Variants in AVPR1B observed in about 807,000 individuals in gnomAD.
The protein encoded by AVPR1B is arginine vasopressin receptor 1B, also known as vasopressin V1b receptor.
Under a neutral mutation model 27.5 loss-of-function variants are expected in AVPR1B, and 25 were observed. That is an observed-to-expected ratio of 0.91 (90% confidence interval 0.66 to 1.27). AVPR1B has a LOEUF of 1.27. Among genes scored for constraint, AVPR1B ranks in the 50% most tolerant of loss-of-function variants. The probability of loss-of-function intolerance (pLI) is 0.00; values close to 1 mark genes in which losing one functional copy is unlikely to be tolerated. For synonymous variants in AVPR1B, 248 were observed against 240.2 expected, an observed-to-expected ratio of 1.03 and a Z score of -0.30; for missense variants, 595 against 556.9, an observed-to-expected ratio of 1.07 and a Z score of -0.69.
chr1:206,108,246 C>G lies in AVPR1B; in HGVS notation c.*1943G>C, dbSNP rs1163219328. Among the ~76,000 whole-genome samples, 6 of 152,186 alleles carry G rather than the reference C, an allele frequency of 3.9e-5. No individual in the cohort carries two copies. Among genetic ancestry groups the G allele is most frequent in the Admixed American group, 3.9e-4 (6 of 15,282 alleles). ...TAGACAGGGAAGAAGTATTAGATGT[C>G]AGGGGCTGACATGGGCAACAGAACT... On this transcript the variant is annotated 3_prime_UTR_variant, in exon 2 of 2. Coordinates refer to ENST00000367126, the MANE Select transcript of AVPR1B (RefSeq NM_000707.5).
intron 1 of AVPR1B, 58 bp downstream of exon 1, chr1:206,115,893 C>T: frequency 6.6e-7 from 1 of 1,515,774 alleles, no homozygotes; most frequent in Non-Finnish European, 8.9e-7. Flanking sequence ...CTGACCTAAT[C>T]CCCCATCCTC....
chr1:206,108,838 C>G lies in AVPR1B; in HGVS notation c.*1351G>C, dbSNP rs1663322463. Among the ~76,000 whole-genome samples, 1 of 152,222 alleles carries G rather than the reference C, an allele frequency of 6.6e-6. No individual in the cohort carries two copies. Among genetic ancestry groups the G allele is most frequent in the South Asian group, 2.1e-4 (1 of 4,836 alleles). On this transcript the variant is annotated 3_prime_UTR_variant, in exon 2 of 2. Coordinates refer to ENST00000367126, the MANE Select transcript of AVPR1B (RefSeq NM_000707.5). ...AATGAGCATGTGCCATGCTCTTCCTCTACCTCGGTCTACCTTGGCCTGCAG... is the reference window on the plus strand; with the variant it reads ...AATGAGCATGTGCCATGCTCTTCCTGTACCTCGGTCTACCTTGGCCTGCAG...
In AVPR1B at chr1:206,108,613, A is replaced by T. The variant is rs1414881205; in HGVS notation, c.*1576T>A. Among the ~76,000 whole-genome samples the T allele has an allele frequency of 2.6e-5, 4 of 152,202 alleles. No homozygotes were observed. The highest frequency in any genetic ancestry group is 5.9e-5 in the Non-Finnish European group (4 of 68,032). ...GACTTTACAAATGACTTTTATATCCACAGTCCTATTTGATTCTCAGAACCA... is the reference window on the plus strand; with the variant it reads ...GACTTTACAAATGACTTTTATATCCTCAGTCCTATTTGATTCTCAGAACCA... On this transcript the variant is annotated 3_prime_UTR_variant, in exon 2 of 2. Transcript: ENST00000367126.
intron 1 of AVPR1B, among the ~76,000 whole-genome samples, chr1:206,112,608 G>A (rs1169158733): frequency 2.6e-5 from 4 of 152,040 alleles, no homozygotes; most frequent in East Asian, 1.9e-4. Flanking sequence ...CAGCATCCTC[G>A]GTAGATGGGA....
At position 206,108,033 on chromosome 1, in the gene AVPR1B, G is replaced by A. The variant is rs1663307199; in HGVS notation, c.*2156C>T. On this transcript the variant is annotated 3_prime_UTR_variant, in exon 2 of 2. Transcript: ENST00000367126. ...ACCCAGGTCTTTGGGGCACACAGCT[G>A]GTGTTCCTTCTACCTCCCAGTCATC... Among the ~76,000 whole-genome samples, 1 of 152,154 alleles carries A rather than the reference G, an allele frequency of 6.6e-6. No homozygotes were observed.
At position 206,110,132 on chromosome 1, in the gene AVPR1B, G is replaced by C. The variant is rs1256440390; in HGVS notation, c.*57C>G. 5 of 1,519,194 alleles carry C rather than the reference G, an allele frequency of 3.3e-6. No individual in the cohort carries two copies. Among genetic ancestry groups the C allele is most frequent in the Non-Finnish European group, 4.4e-6 (5 of 1,125,528 alleles). 94.1% of individuals were successfully genotyped at this position (1,519,194 alleles called of 1,614,324 possible). A position where few individuals can be genotyped will look rare whatever the true frequency, so the allele number is the denominator to read the frequency against. The stretch of plus-strand genomic sequence containing the variant: ...CCAGCTCTCATTTCCAGTGCCCGAG[G>C]TGGGCAGAGAACCTCCACTAGTCCT... On this transcript the variant is annotated 3_prime_UTR_variant, in exon 2 of 2. Transcript: ENST00000367126.
Position 206,110,438 on chromosome 1 carries a change from G to A in AVPR1B, c.1026C>T (p.Asn342=), listed in dbSNP as rs782296151. ...CCNPWIYMGF[N]SHLLPRPLRH... is the part of the protein sequence containing the mutation. ...GCAGGGGCCGCGGTAACAGGTGGCT[G>A]TTGAAGCCCATGTAGATCCAGGGGT... Residue 342 remains asparagine (N), a synonymous_variant, in exon 2 of 2, where the codon AAC becomes AAT. Transcript: ENST00000367126. 6 of 1,614,030 alleles carry A rather than the reference G, an allele frequency of 3.7e-6. No homozygotes were observed. Among genetic ancestry groups the A allele is most frequent in the South Asian group, 1.1e-5 (1 of 91,072 alleles).
In AVPR1B at chr1:206,117,064, G is replaced by A; in HGVS notation, c.-174C>T. Reference sequence around the variant, plus strand: ...GTTCAGAGGACTGGGATAGAGAGGAGGAGGGAGGATGAGATTCGGAAGGAG... The same window carrying A: ...GTTCAGAGGACTGGGATAGAGAGGAAGAGGGAGGATGAGATTCGGAAGGAG... On this transcript the variant is annotated 5_prime_UTR_variant, in exon 1 of 2. Coordinates refer to ENST00000367126, the MANE Select transcript of AVPR1B (RefSeq NM_000707.5). The A allele has an allele frequency of 1.4e-6, 1 of 691,690 alleles. No homozygotes were observed. The highest frequency in any genetic ancestry group is 2.6e-5 in the East Asian group (1 of 39,080). The allele number at this position is 691,690 out of a possible 1,614,324, so 42.8% of individuals were successfully genotyped here.
intron 1 of AVPR1B, among the ~76,000 whole-genome samples, chr1:206,111,890 G>C (rs1237834683): frequency 6.6e-6 from 1 of 152,152 alleles, no homozygotes; most frequent in Non-Finnish European, 1.5e-5. Flanking sequence ...AAGTAGAAGA[G>C]GGATGATATG....
chr1:206,116,504 C>T lies in AVPR1B; in HGVS notation c.387G>A (p.Thr129=), dbSNP rs113061513. The part of the protein sequence containing the change: ...FASTYMLLAM[T]LDRYLAVCHP... ...GACAGACAGCCAGGTAGCGGTCCAG[C>T]GTCATGGCCAGCAGCATGTAGGTGG... Residue 129 remains threonine (T), a synonymous_variant, in exon 1 of 2, where the codon ACG becomes ACA. Transcript: ENST00000367126. 5 of 1,613,858 alleles carry T rather than the reference C, an allele frequency of 3.1e-6. No homozygotes were observed. The highest frequency in any genetic ancestry group is 3.3e-5 in the Admixed American group (2 of 60,002).
At chr1:206,115,843 C>T (rs1571884386) in intron 1 of AVPR1B, 108 bp downstream of exon 1, 2 of 1,111,756 alleles carry the variant, frequency 1.8e-6, no homozygotes, top group African/African-American at 1.6e-5. Flanking sequence ...CATTGCCCCA[C>T]TAGTTTGTCA....
chr1:206,116,442 G>A lies in AVPR1B; in HGVS notation c.449C>T (p.Thr150Ile). Residue 150 changes from threonine (T) to isoleucine (I), a missense_variant, in exon 1 of 2, where the codon ACC (threonine) becomes ATC (isoleucine). Physicochemically the swap from Thr to Ile is moderately conservative, Grantham distance 89. Transcript: ENST00000367126. Reference sequence around the variant, plus strand: ...CCAGGGAGCAGCGATGAGCAGGTAGGTGGACTGGCCTGGCTGCTGGAGGCT... The same window carrying A: ...CCAGGGAGCAGCGATGAGCAGGTAGATGGACTGGCCTGGCTGCTGGAGGCT... ...LRSLQQPGQS[T>I]YLLIAAPWLL... 6.2e-7 allele frequency: 1 copy of A among 1,614,010 alleles called. No homozygotes were observed. Among genetic ancestry groups the A allele is most frequent in the Non-Finnish European group, 8.5e-7 (1 of 1,180,038 alleles).
rs1175661420 is a variant in AVPR1B, at chr1:206,108,023, G to A, written c.*2166C>T. On this transcript the variant is annotated 3_prime_UTR_variant, in exon 2 of 2. Transcript: ENST00000367126. ...CAAGATGCAAACCCAGGTCTTTGGG[G>A]CACACAGCTGGTGTTCCTTCTACCT... Among the ~76,000 whole-genome samples the A allele has an allele frequency of 2.0e-5, 3 of 152,112 alleles. No homozygotes were observed. The highest frequency in any genetic ancestry group is 6.5e-5 in the Admixed American group (1 of 15,280).
At chr1:206,110,600 G>T in intron 1 of AVPR1B, 77 bp from the exon 2 acceptor site, 1 of 1,287,362 alleles carries the variant, frequency 7.8e-7, no homozygotes, top group Non-Finnish European at 1.1e-6. Context: ...CCCCACAGAT[G>T]AGGAACAGAT....
chr1:206,109,808 T>C lies in AVPR1B; in HGVS notation c.*381A>G, dbSNP rs1216160236. The C allele has an allele frequency of 5.1e-6, 1 of 195,600 alleles. No individual in the cohort carries two copies. Among genetic ancestry groups the C allele is most frequent in the Non-Finnish European group, 1.0e-5 (1 of 96,944 alleles). 12.1% of individuals were successfully genotyped at this position (195,600 alleles called of 1,614,324 possible). A position where few individuals can be genotyped will look rare whatever the true frequency, so the allele number is the denominator to read the frequency against. ...CTGAGATGTGCCAGTCAGGTTAGAA[T>C]GGAGACAGGTAGCCAGGGCACAAGG... On this transcript the variant is annotated 3_prime_UTR_variant, in exon 2 of 2. Coordinates refer to ENST00000367126, the MANE Select transcript of AVPR1B (RefSeq NM_000707.5).
rs782520639 is a variant in AVPR1B at position 206,110,351 on chromosome 1, G to T, written c.1113C>A (p.Ser371Arg). 3 of 1,609,422 alleles carry T rather than the reference G, an allele frequency of 1.9e-6. No individual in the cohort carries two copies. Among genetic ancestry groups the T allele is most frequent in the Non-Finnish European group, 2.5e-6 (3 of 1,178,566 alleles). The change falls in exon 2 of 2, where the codon AGC (serine) becomes AGA (arginine). Residue 371 changes from serine (S) to arginine (R), a missense_variant. Ser to Arg is a moderately radical substitution (Grantham distance 110). Transcript: ENST00000367126. Reference protein sequence around the residue: ...PRMRRRLSDGSLSSRHTTLLT... With the variant: ...PRMRRRLSDGRLSSRHTTLLT... ...GCAGCGTGGTGTGGCGGCTCGAGAG[G>T]CTGCCGTCGGAGAGCCGCCGGCGCA...
Position 206,113,309 on chromosome 1 carries a change from G to T in AVPR1B, c.940+2642C>A, listed in dbSNP as rs183532068. 3.2e-3 allele frequency among the ~76,000 whole-genome samples: 490 copies of T among 152,274 alleles called. 3 individuals carry two copies. Among genetic ancestry groups the T allele is most frequent in the African/African-American group, 0.011 (449 of 41,520 alleles). On this transcript the variant is annotated intron_variant, in intron 1 of 1. Coordinates refer to ENST00000367126, the MANE Select transcript of AVPR1B (RefSeq NM_000707.5). The stretch of plus-strand genomic sequence containing the variant: ...ACTCAGCTGATGGTCGGGGACAGGG[G>T]CAGGGACAAGGAAACAAGCAGGCTC...
At position 206,108,771 on chromosome 1, in the gene AVPR1B, T is replaced by G. The variant is rs1406893992; in HGVS notation, c.*1418A>C. Among the ~76,000 whole-genome samples, 1 of 152,210 alleles carries G rather than the reference T, an allele frequency of 6.6e-6. No individual in the cohort carries two copies. The highest frequency in any genetic ancestry group is 1.5e-5 in the Non-Finnish European group (1 of 68,030). On this transcript the variant is annotated 3_prime_UTR_variant, in exon 2 of 2. Transcript: ENST00000367126. ...CTCTCTCTTCAATTGGAATCAGAAT[T>G]GGGTTGGGGAAGCTATGCCATGATA...
Position 206,116,117 on chromosome 1 carries a change from G to A in AVPR1B, c.774C>T (p.Thr258=), listed in dbSNP as rs782401141. 3.7e-6 allele frequency: 6 copies of A among 1,614,074 alleles called. No individual in the cohort carries two copies. The African/African-American group carries it at 6.7e-5, about 18-fold the overall frequency. Residue 258 remains threonine (T), a synonymous_variant, in exon 1 of 2, where the codon ACC becomes ACT. Transcript: ENST00000367126. The part of the protein sequence containing the change: ...DRPSPSTLAA[T]TRGLPSRVSS... ...TGACCCGAGATGGCAGCCCCCGAGT[G>A]GTGGCAGCTAAGGTGGAAGGTGAGG...
Sources: gnomAD v4.1 joint callset for allele counts (sites outside exome capture counted in the v4.1 genomes callset) on GRCh38, gnomAD v4.1.1 for gene constraint, MANE v1.5 for transcripts, NCBI Gene and HGNC (gene_info 2026-07-23, HGNC 2026-07-21) for gene names.